The following ZMYM3 variants were observed in gnomAD, a reference collection of about 807,000 sequenced individuals.
The protein encoded by ZMYM3 is zinc finger MYM-type containing 3, also known as zinc finger MYM-type protein 3.
In ZMYM3, 6 loss-of-function variants were observed where a neutral mutation model predicts 94.2. That is an observed-to-expected ratio of 0.06 (90% CI 0.03 to 0.13). ZMYM3 has a LOEUF of 0.13. Among genes scored for constraint, ZMYM3 ranks in the 10% least tolerant of loss-of-function variants. The pLI is 1.00. For synonymous variants in ZMYM3, 420 were observed against 426.5 expected, an observed-to-expected ratio of 0.98 and a Z score of 0.19; for missense variants, 664 against 1,132.6, an observed-to-expected ratio of 0.59 and a Z score of 5.94.
chrX:71,241,998 G>A (rs945192911), intron 23 of ZMYM3, among the ~76,000 whole-genome samples, 172 bp downstream of exon 23: 1 of 111,178 alleles, frequency 9.0e-6, no homozygotes, highest in African/African-American at 3.3e-5. Context: ...AACAGCTACT[G>A]CCTATCAGGT....
chrX:71,250,239 A>T, intron 5 of ZMYM3, 36 bp from the exon 6 acceptor site: 1 of 1,135,398 alleles, frequency 8.8e-7, no homozygotes, highest in East Asian at 3.0e-5. Flanking sequence ...TTCACTCAAG[A>T]CCACCCTCTC....
In ZMYM3 at chrX:71,252,917, C is replaced by A. The variant is rs139408025; in HGVS notation, c.339G>T (p.Glu113Asp). 72 of 1,210,043 alleles carry A rather than the reference C, an allele frequency of 6.0e-5. No individual in the cohort carries two copies. The African/African-American group carries it at 1.2e-3, about 21-fold the overall frequency. ...LAWDAGDQTL[E>D]PGPGGQTPEV... is the part of the protein sequence containing the mutation. ...CAGGGGTCTGGCCCCCTGGTCCAGG[C>A]TCTAGGGTCTGATCTCCTGCATCCC... is the stretch of plus-strand genomic sequence containing the variant. The change falls in exon 2 of 25, where the codon GAG (glutamate) becomes GAT (aspartate). Residue 113 changes from glutamate to aspartate, a missense_variant. Physicochemically the swap from Glu to Asp is conservative, Grantham distance 45 (BLOSUM62 2). Transcript: ENST00000314425.
At chrX:71,246,241 A>G in intron 15 of ZMYM3, 112 bp downstream of exon 15, 1 of 1,104,323 alleles carries the variant, frequency 9.1e-7, no homozygotes, top group African/African-American at 1.8e-5. Context: ...GGACAACCAT[A>G]TGAATGAGGC....
chrX:71,254,773 C>A, upstream of ZMYM3: 1 of 111,774 alleles, frequency 8.9e-6, no homozygotes, highest in Non-Finnish European at 1.9e-5. Flanking sequence ...CGGGGGGAGG[C>A]AGGGACCCAG....
chrX:71,241,959 C>T (rs746070192), intron 23 of ZMYM3, among the ~76,000 whole-genome samples: 1 of 111,801 alleles, frequency 8.9e-6, no homozygotes, highest in South Asian at 3.9e-4. Flanking sequence ...AGAGGGGAAA[C>T]AGGCCAGAGG....
chrX:71,248,710 G>A lies in ZMYM3; in HGVS notation c.1713C>T (p.Ser571=), dbSNP rs762728740. ...KVDRTVYQFC[S]PSCWTKFQRT... ...CCTGGAACTTGGTCCAGCAGCTGGGGCTGCAGAACTGGTAGACTGTGCGGT... is the reference window on the plus strand; with the variant it reads ...CCTGGAACTTGGTCCAGCAGCTGGGACTGCAGAACTGGTAGACTGTGCGGT... The change falls in exon 9 of 25, where the codon AGC becomes AGT. Residue 571 remains serine (S), a synonymous_variant. Coordinates refer to ENST00000314425, the MANE Select transcript of ZMYM3 (RefSeq NM_201599.3). 2.5e-6 allele frequency: 3 copies of A among 1,205,765 alleles called. No individual in the cohort carries two copies. Among genetic ancestry groups the A allele is most frequent in the East Asian group, 3.0e-5 (1 of 33,734 alleles).
In ZMYM3 at chrX:71,251,316, G is replaced by A. The variant is rs1025976042; in HGVS notation, c.712-72C>T. 9 of 1,039,021 alleles carry A rather than the reference G, an allele frequency of 8.7e-6. No individual in the cohort carries two copies. The African/African-American group carries it at 1.3e-4, about 15-fold the overall frequency. The allele number at this position is 1,039,021 out of a possible 1,213,427, so 85.6% of individuals were successfully genotyped here. A position where few individuals can be genotyped will look rare whatever the true frequency, so the allele number is the denominator to read the frequency against. On this transcript the variant is annotated intron_variant, in intron 3 of 24. Transcript: ENST00000314425. ...AGGCTAACACTAGTACAGGGTTTGG[G>A]GGGGGATAGAAGATGGGAGGGGGAA... is the stretch of plus-strand genomic sequence containing the variant.
chrX:71,247,504 G>T lies in ZMYM3; in HGVS notation c.2155C>A (p.Arg719=). 3 of 1,209,183 alleles carry T rather than the reference G, an allele frequency of 2.5e-6. No individual in the cohort carries two copies. Among genetic ancestry groups the T allele is most frequent in the Non-Finnish European group, 3.4e-6 (3 of 893,752 alleles). The change falls in exon 13 of 25, where the codon CGG becomes AGG. Residue 719 remains arginine (R), a synonymous_variant. Transcript: ENST00000314425. ...KYLLWYCKAA[R]CHACKRQGKL... is the part of the protein sequence containing the mutation. ...CCCTGGCGCTTACACGCATGGCACC[G>T]GGCAGCCTGAGGATGTCAAAAGGAT...
At chrX:71,246,176 C>A in intron 15 of ZMYM3, 78 bp from the exon 16 acceptor site, 1 of 1,095,131 alleles carries the variant, frequency 9.1e-7, no homozygotes. Context: ...CTAACATGCT[C>A]AGTGTCACAA....
intron 2 of ZMYM3, 139 bp downstream of exon 2, chrX:71,252,449 AC>A (rs2147996711): frequency 6.7e-6 from 4 of 594,320 alleles, no homozygotes; most frequent in Non-Finnish European, 9.3e-6. Flanking sequence ...TCCCTCGTAA[AC>A]CCCAAGTCCT....
In ZMYM3 at chrX:71,251,577, C is replaced by A; in HGVS notation, c.692G>T (p.Ser231Ile). 8.4e-7 allele frequency: 1 copy of A among 1,193,418 alleles called. No individual in the cohort carries two copies. Among genetic ancestry groups the A allele is most frequent in the Non-Finnish European group, 1.1e-6 (1 of 886,343 alleles). The change falls in exon 3 of 25, where the codon AGT becomes ATT. Residue 231 changes from serine to isoleucine, a missense_variant. Around this residue, in one of 9 missense-constraint regions of ZMYM3, gnomAD observed 196 missense variants for 190.8 expected, o/e 1.03. Coordinates refer to ENST00000314425, the MANE Select transcript of ZMYM3 (RefSeq NM_201599.3). ...LPGDGLTAKA[S>I]EKPPERKRSE... ...CCTCACCCGTTCAGGCGGCTTCTCA[C>A]TCGCCTTCGCAGTCAGGCCATCTCC...
At chrX:71,253,453 C>A (rs1458238466) in intron 1 of ZMYM3, among the ~76,000 whole-genome samples, 179 bp from the exon 2 acceptor site, 1 of 100,364 alleles carries the variant, frequency 1.0e-5, no homozygotes, top group East Asian at 3.3e-4. Flanking sequence ...CCCAATACAG[C>A]GCCCCCAGTG....
At chrX:71,243,139 G>A (rs949297550) in intron 21 of ZMYM3, 55 bp from the exon 22 acceptor site, 2 of 990,202 alleles carry the variant, frequency 2.0e-6, no homozygotes, top group African/African-American at 3.8e-5. Context: ...CTAGAAGAAA[G>A]ATAATGATGC....
At chrX:71,242,606 A>T (rs765594964) in intron 22 of ZMYM3, among the ~76,000 whole-genome samples, 182 bp from the exon 23 acceptor site, 4 of 112,249 alleles carry the variant, frequency 3.6e-5, no homozygotes, top group Non-Finnish European at 5.6e-5. Context: ...GGCTTTAAAA[A>T]ATATATACTT....
In ZMYM3 at chrX:71,249,231, T is replaced by C. The variant is rs367787641; in HGVS notation, c.1471-62A>G. 187 of 1,193,366 alleles carry C rather than the reference T, an allele frequency of 1.6e-4. No individual in the cohort carries two copies. The South Asian group carries it at 2.5e-3, about 16-fold the overall frequency. Reference sequence around the variant, plus strand: ...TGTCCCTTCACTTTTATTTTTTAAATGTTTTAAACATGAAATATTTCAGGC... The same window carrying C: ...TGTCCCTTCACTTTTATTTTTTAAACGTTTTAAACATGAAATATTTCAGGC... On this transcript the variant is annotated intron_variant, in intron 7 of 24. Coordinates refer to ENST00000314425, the MANE Select transcript of ZMYM3 (RefSeq NM_201599.3).
In ZMYM3 at chrX:71,245,489, G is replaced by A; in HGVS notation, c.2861-4C>T. ...GCACTCTGGTTGCTCACAAGATCTG[G>A]GAAGCAGAGAAGTTGGCTCAGTGGT... On this transcript the variant is annotated splice_polypyrimidine_tract_variant and splice_region_variant and intron_variant, in intron 17 of 24. Transcript: ENST00000314425. 1 of 1,203,210 alleles carries A rather than the reference G, an allele frequency of 8.3e-7. No individual in the cohort carries two copies. The highest frequency in any genetic ancestry group is 1.8e-5 in the South Asian group (1 of 55,339).
Position 71,253,037 on chromosome X carries a change from C to T in ZMYM3, c.219G>A (p.Leu73=). 1 of 1,202,140 alleles carries T rather than the reference C, an allele frequency of 8.3e-7. No homozygotes were observed. Among genetic ancestry groups the T allele is most frequent in the Non-Finnish European group, 1.1e-6 (1 of 890,559 alleles). The change falls in exon 2 of 25, where the codon CTG becomes CTA. Residue 73 remains leucine (L), a synonymous_variant. Coordinates refer to ENST00000314425, the MANE Select transcript of ZMYM3 (RefSeq NM_201599.3). ...GCCCCAGCAACTCAGTGGCTCCATC[C>T]AGGACTCCAGGGTCTTTTTCCAGGC... The part of the protein sequence containing the change: ...PAGLEKDPGV[L]DGATELLGLG...
At position 71,247,629 on chromosome X, in the gene ZMYM3, C is replaced by T; in HGVS notation, c.2148+105G>A. On this transcript the variant is annotated intron_variant, in intron 12 of 24. Transcript: ENST00000314425. ...ATCGGGCCAGCTTAGAGATGGAAGG[C>T]TGGCTGCCCTCCCTGGAGATCTGTC... 2.6e-6 allele frequency: 3 copies of T among 1,135,600 alleles called. No individual in the cohort carries two copies. The South Asian group carries it at 6.2e-5, about 23-fold the overall frequency. 93.6% of individuals were successfully genotyped at this position (1,135,600 alleles called of 1,213,427 possible).
In ZMYM3 at chrX:71,247,325, AC is replaced by A; in HGVS notation, c.2314+19del. 2.6e-6 allele frequency: 3 copies of A among 1,171,731 alleles called. No individual in the cohort carries two copies. The highest frequency in any genetic ancestry group is 3.4e-6 in the Non-Finnish European group (3 of 873,012). Reference sequence around the variant, plus strand: ...GTCCAGGCTCCCTCTAACAGAGTGTACCCCCTGCCTGGGACTCACTGTTCAG... The same window carrying A: ...GTCCAGGCTCCCTCTAACAGAGTGTACCCCTGCCTGGGACTCACTGTTCAG... On this transcript the variant is annotated intron_variant, in intron 13 of 24. Transcript: ENST00000314425.
Sources: allele counts gnomAD v4.1 joint callset (sites outside exome capture counted in the v4.1 genomes callset), GRCh38; gene constraint gnomAD v4.1.1; regional missense constraint gnomAD v4.1.1; transcripts MANE v1.5; gene names NCBI Gene and HGNC (gene_info 2026-07-23, HGNC 2026-07-21).